Variants in SH3BGRL2 observed in about 807,000 individuals in gnomAD.
The protein encoded by SH3BGRL2 is SH3 domain-binding glutamic acid-rich-like protein 2.
A neutral mutation model predicts 14.8 loss-of-function variants in SH3BGRL2; 21 were observed. That is an observed-to-expected ratio of 1.42 (90% CI 1.01 to 2.05). The LOEUF (loss-of-function observed/expected upper bound fraction) is 2.05. SH3BGRL2 is among the 30% of genes most tolerant of loss of function. The pLI, the probability that SH3BGRL2 is intolerant of heterozygous loss-of-function variation, is 0.00. For missense variants in SH3BGRL2, 147 were observed against 130.8 expected (o/e 1.12, Z -0.61); for synonymous variants, 50 against 47.8 (o/e 1.05, Z -0.19).
the SH3BGRL2 span, among the ~76,000 whole-genome samples, chr6:79,542,203 A>G: frequency 6.6e-6 from 1 of 152,040 alleles, no homozygotes; most frequent in Non-Finnish European, 1.5e-5. Flanking sequence ...GCCAGAGTTG[A>G]ACTGGAATTG....
At chr6:79,687,142 TTGCCCTGCCA>T (rs1770113020) in intron 2 of SH3BGRL2, among the ~76,000 whole-genome samples, 1 of 152,236 alleles carries the variant, frequency 6.6e-6, no homozygotes, top group Non-Finnish European at 1.5e-5. Flanking sequence ...TATACATTGA[TTGCCCTGCCA>T]TAGCCTGCTC....
the SH3BGRL2 span, among the ~76,000 whole-genome samples, chr6:79,589,313 TAAACTAATG>T: frequency 2.6e-5 from 4 of 151,400 alleles, no homozygotes; most frequent in East Asian, 7.7e-4. Flanking sequence ...CTATAAAAGA[TAAACTAATG>T]AATGATTATT....
At chr6:79,590,430 T>TAC in the SH3BGRL2 span, among the ~76,000 whole-genome samples, 1 of 74,714 alleles carries the variant, frequency 1.3e-5, no homozygotes, top group Non-Finnish European at 2.9e-5. Context: ...ATGTGATATA[T>TAC]ATATATATAT....
intron 3 of SH3BGRL2, among the ~76,000 whole-genome samples, chr6:79,698,092 T>A (rs1309483364): frequency 6.6e-6 from 1 of 152,146 alleles, no homozygotes; most frequent in East Asian, 1.9e-4. Flanking sequence ...GGGACCATCC[T>A]AAAGGTAGTG....
the SH3BGRL2 span, among the ~76,000 whole-genome samples, chr6:79,581,502 C>T: frequency 3.3e-5 from 5 of 152,154 alleles, no homozygotes; most frequent in Non-Finnish European, 7.4e-5. Context: ...AATCAATAAA[C>T]GTAATCCATC....
At chr6:79,542,030 G>C in the SH3BGRL2 span, among the ~76,000 whole-genome samples, 4 of 152,058 alleles carry the variant, frequency 2.6e-5, no homozygotes, top group Admixed American at 6.5e-5. Context: ...CCTAGAGAGT[G>C]TCTCATACTT....
chr6:79,540,945 T>G, the SH3BGRL2 span, among the ~76,000 whole-genome samples: 1 of 152,044 alleles, frequency 6.6e-6, no homozygotes, highest in Non-Finnish European at 1.5e-5. Context: ...CTGTTTTGAC[T>G]GACGTGGTAG....
chr6:79,692,975 C>A (rs1770256063), intron 2 of SH3BGRL2, among the ~76,000 whole-genome samples: 1 of 152,146 alleles, frequency 6.6e-6, no homozygotes, highest in Non-Finnish European at 1.5e-5. Flanking sequence ...GATATTGATT[C>A]TTCCTACCCA....
chr6:79,658,490 G>A (rs1276617997), intron 1 of SH3BGRL2, among the ~76,000 whole-genome samples: 1 of 152,164 alleles, frequency 6.6e-6, no homozygotes, highest in Non-Finnish European at 1.5e-5. Flanking sequence ...TTTTATGGCT[G>A]CATAGTATTC....
chr6:79,647,019 A>G (rs1203802791), intron 1 of SH3BGRL2, among the ~76,000 whole-genome samples: 3 of 152,192 alleles, frequency 2.0e-5, no homozygotes, highest in Admixed American at 6.5e-5. Context: ...AAGTTTTCGT[A>G]TGAACGTATG....
intron 2 of SH3BGRL2, among the ~76,000 whole-genome samples, chr6:79,681,274 T>C (rs1175448503): frequency 6.6e-6 from 1 of 152,226 alleles, no homozygotes. Flanking sequence ...AACCTTTATA[T>C]CATTTTCCAT....
the SH3BGRL2 span, among the ~76,000 whole-genome samples, chr6:79,567,345 CCAATA>C: frequency 1.4e-4 from 22 of 151,990 alleles, no homozygotes; most frequent in African/African-American, 5.1e-4. Context: ...AAGAAAAAAG[CCAATA>C]CACTATTGAA....
chr6:79,684,545 T>TA (rs1229896073), intron 2 of SH3BGRL2, among the ~76,000 whole-genome samples: 1 of 152,146 alleles, frequency 6.6e-6, no homozygotes, highest in Non-Finnish European at 1.5e-5. Flanking sequence ...TCAGCTCAGG[T>TA]GTTTTCAGCT....
intron 1 of SH3BGRL2, among the ~76,000 whole-genome samples, chr6:79,655,930 G>A (rs1376027288): frequency 1.3e-5 from 2 of 152,202 alleles, no homozygotes; most frequent in African/African-American, 4.8e-5. Flanking sequence ...AGGGTGGAAA[G>A]CCACCTGCAG....
At chr6:79,581,947 C>T in the SH3BGRL2 span, among the ~76,000 whole-genome samples, 13 of 152,242 alleles carry the variant, frequency 8.5e-5, no homozygotes, top group African/African-American at 2.6e-4. Flanking sequence ...TCTCAGGATA[C>T]AAAATCAATG....
intron 3 of SH3BGRL2, 33 bp from the exon 4 acceptor site, chr6:79,699,465 T>G: frequency 4.3e-6 from 1 of 235,104 alleles, no homozygotes; most frequent in Middle Eastern, 5.5e-4. Context: ...ATAACTGACT[T>G]TTTTTTTTTT....
At chr6:79,620,074 G>A in the SH3BGRL2 span, among the ~76,000 whole-genome samples, 5 of 152,022 alleles carry the variant, frequency 3.3e-5, no homozygotes, top group African/African-American at 1.2e-4. Flanking sequence ...AAAGGTCATA[G>A]CACACATATT....
the SH3BGRL2 span, among the ~76,000 whole-genome samples, chr6:79,572,293 A>G: frequency 1.3e-5 from 2 of 152,172 alleles, no homozygotes; most frequent in African/African-American, 4.8e-5. Context: ...CGTGCACGTA[A>G]TATGTAAAGC....
At chr6:79,662,253 CA>C (rs2127729790) in intron 1 of SH3BGRL2, among the ~76,000 whole-genome samples, 1 of 152,302 alleles carries the variant, frequency 6.6e-6, no homozygotes, top group Admixed American at 6.5e-5. Flanking sequence ...ATGGTCTTTA[CA>C]ATTTGGCATG....
Sources: allele counts gnomAD v4.1 joint callset (sites outside exome capture counted in the v4.1 genomes callset), GRCh38; gene constraint gnomAD v4.1.1; transcripts MANE v1.5; gene names NCBI Gene and HGNC (gene_info 2026-07-23, HGNC 2026-07-21).